The following RSPO2 variants were observed in gnomAD, a reference collection of about 807,000 sequenced individuals.
The protein encoded by RSPO2 is R-spondin 2.
RSPO2 carries 14 observed loss-of-function variants against 30.9 expected under a neutral mutation model. The ratio of observed to expected loss-of-function variants is 0.45; its 90% CI spans 0.30 to 0.71. The LOEUF (loss-of-function observed/expected upper bound fraction) is 0.71, where lower values mean the gene tolerates loss of function less well. RSPO2 is among the 30% of genes least tolerant of loss of function. The pLI is 0.08. For synonymous variants in RSPO2, 107 were observed against 96.4 expected (o/e 1.11, Z -0.64); for missense variants, 264 against 301.9 (o/e 0.87, Z 0.93).
intron 5 of RSPO2, among the ~76,000 whole-genome samples, chr8:107,910,818 G>A (rs1416026851): frequency 6.6e-6 from 1 of 152,108 alleles, no homozygotes; most frequent in Non-Finnish European, 1.5e-5. Flanking sequence ...AGCACTTTGG[G>A]AGGCTGAGGT....
chr8:108,082,716 G>A lies in RSPO2; in HGVS notation c.-78C>T. 1.6e-6 allele frequency: 2 copies of A among 1,263,738 alleles called. No individual in the cohort carries two copies. The highest frequency in any genetic ancestry group is 1.9e-4 in the Middle Eastern group (1 of 5,196). The allele number at this position is 1,263,738 out of a possible 1,614,324, so 78.3% of individuals were successfully genotyped here. ...TTCGCCCAAAGAGCCGGCGCCGGCC[G>A]CGCTGCTGGGGAGGACTCAGAGGGA... On this transcript the variant is annotated 5_prime_UTR_variant, in exon 2 of 6. Transcript: ENST00000276659.
At position 108,046,716 on chromosome 8, in the gene RSPO2, G is replaced by T. The variant is rs1322828463; in HGVS notation, c.94+35829C>A. The stretch of plus-strand genomic sequence containing the variant: ...TGCATGCTTCAAGTCTATAATTCAA[G>T]TCATATCAGGGTATGCAATTTTGCC... On this transcript the variant is annotated intron_variant, in intron 2 of 5. Transcript: ENST00000276659. 5.3e-5 allele frequency among the ~76,000 whole-genome samples: 8 copies of T among 152,204 alleles called. No individual in the cohort carries two copies. In the East Asian group the frequency reaches 1.5e-3, roughly 29 times the overall value.
rs77453438 is a variant in RSPO2 at position 107,900,709 on chromosome 8, A to G, written c.*366T>C. ...ATGCACAATGTGAGAAATAAAGGTCACGAGTGAGTAGCGCATTGCCTGCCA... is the reference window on the plus strand; with the variant it reads ...ATGCACAATGTGAGAAATAAAGGTCGCGAGTGAGTAGCGCATTGCCTGCCA... On this transcript the variant is annotated 3_prime_UTR_variant, in exon 6 of 6. Coordinates refer to ENST00000276659, the MANE Select transcript of RSPO2 (RefSeq NM_178565.5). The G allele has an allele frequency of 1.0e-4, 18 of 179,736 alleles. No individual in the cohort carries two copies. The East Asian group carries it at 2.5e-3, about 25-fold the overall frequency. 11.1% of individuals were successfully genotyped at this position (179,736 alleles called of 1,614,324 possible).
At chr8:107,901,332 CATTA>C in intron 5 of RSPO2, 142 bp from the exon 6 acceptor site, 1 of 882,358 alleles carries the variant, frequency 1.1e-6, no homozygotes, top group Non-Finnish European at 1.7e-6. Flanking sequence ...AAATTGTTCA[CATTA>C]ATTTTGACAG....
chr8:108,053,402 C>T (rs953574825), intron 2 of RSPO2, among the ~76,000 whole-genome samples: 1 of 152,178 alleles, frequency 6.6e-6, no homozygotes, highest in African/African-American at 2.4e-5. Context: ...ATCAACAGTT[C>T]AATGTCAAAC....
intron 2 of RSPO2, among the ~76,000 whole-genome samples, chr8:107,993,017 A>G (rs1386230644): frequency 6.6e-6 from 1 of 152,194 alleles, no homozygotes; most frequent in Admixed American, 6.5e-5. Flanking sequence ...GATCACACCA[A>G]TTGAAAAACA....
At chr8:108,068,186 A>G (rs183010974) in intron 2 of RSPO2, among the ~76,000 whole-genome samples, 5 of 152,246 alleles carry the variant, frequency 3.3e-5, no homozygotes, top group African/African-American at 9.6e-5. Context: ...AGATGTTGTA[A>G]TAAGTAATAA....
At chr8:107,996,898 T>C in intron 2 of RSPO2, 1 of 454,506 alleles carries the variant, frequency 2.2e-6, no homozygotes, top group South Asian at 1.6e-5. Flanking sequence ...GAAAATGAAT[T>C]AGGGAATACT....
At chr8:108,027,444 T>A (rs1183212056) in intron 2 of RSPO2, among the ~76,000 whole-genome samples, 2 of 152,208 alleles carry the variant, frequency 1.3e-5, no homozygotes, top group Non-Finnish European at 2.9e-5. Context: ...AATGACCAGA[T>A]TCAGGAGTAA....
chr8:108,002,195 C>T (rs1209895394), intron 2 of RSPO2, among the ~76,000 whole-genome samples: 4 of 152,148 alleles, frequency 2.6e-5, no homozygotes, highest in Non-Finnish European at 5.9e-5. Context: ...ACTGCTGGTG[C>T]TAATGGTAAC....
At chr8:107,950,147 A>T (rs1422698107) in intron 5 of RSPO2, among the ~76,000 whole-genome samples, 1 of 149,848 alleles carries the variant, frequency 6.7e-6, no homozygotes, top group Non-Finnish European at 1.5e-5. Flanking sequence ...GAACACATGC[A>T]CACTTTAATG....
chr8:107,936,996 A>G (rs1388551017), intron 5 of RSPO2, among the ~76,000 whole-genome samples: 2 of 152,066 alleles, frequency 1.3e-5, no homozygotes, highest in Non-Finnish European at 2.9e-5. Context: ...GGTTTAACGT[A>G]GTCCCGTTTG....
intron 2 of RSPO2, among the ~76,000 whole-genome samples, chr8:108,041,506 A>G (rs977048544): frequency 1.3e-5 from 2 of 152,126 alleles, no homozygotes; most frequent in African/African-American, 2.4e-5. Context: ...TGAAATAGGA[A>G]GAAAAAAATA....
At chr8:107,971,133 G>A (rs1332304231) in intron 3 of RSPO2, among the ~76,000 whole-genome samples, 1 of 152,166 alleles carries the variant, frequency 6.6e-6, no homozygotes, top group Non-Finnish European at 1.5e-5. Context: ...AGCACAAGGT[G>A]GCTTCTGCCC....
At chr8:107,973,578 AAAAAG>A (rs1814094815) in intron 3 of RSPO2, among the ~76,000 whole-genome samples, 1 of 152,012 alleles carries the variant, frequency 6.6e-6, no homozygotes, top group Non-Finnish European at 1.5e-5. Context: ...AGCAAACAAA[AAAAAG>A]AAAACTGCCT....
chr8:108,035,113 A>G (rs1283167278), intron 2 of RSPO2, among the ~76,000 whole-genome samples: 1 of 152,230 alleles, frequency 6.6e-6, no homozygotes, highest in Non-Finnish European at 1.5e-5. Context: ...TTTTCCAAGG[A>G]AACAATATAA....
intron 2 of RSPO2, among the ~76,000 whole-genome samples, chr8:108,038,268 G>A (rs1811656351): frequency 6.6e-6 from 1 of 152,136 alleles, no homozygotes; most frequent in Non-Finnish European, 1.5e-5. Flanking sequence ...AATGGCAAGA[G>A]AACTAGATGG....
chr8:107,905,605 T>G (rs751736562), intron 5 of RSPO2, among the ~76,000 whole-genome samples: 1 of 152,030 alleles, frequency 6.6e-6, no homozygotes, highest in Non-Finnish European at 1.5e-5. Context: ...CTCAGAGAGA[T>G]TCAGTCATTC....
At chr8:107,923,562 A>G (rs983497092) in intron 5 of RSPO2, among the ~76,000 whole-genome samples, 2 of 152,188 alleles carry the variant, frequency 1.3e-5, no homozygotes, top group African/African-American at 4.8e-5. Flanking sequence ...CAATCCCATT[A>G]CTGGGTATAT....
Sources: gnomAD v4.1 joint callset for allele counts (sites outside exome capture counted in the v4.1 genomes callset) on GRCh38, gnomAD v4.1.1 for gene constraint, MANE v1.5 for transcripts, NCBI Gene and HGNC (gene_info 2026-07-23, HGNC 2026-07-21) for gene names.